ST6GALNAC3: variants seen among roughly 807,000 people sequenced by gnomAD.
ST6GALNAC3 encodes ST6 N-acetylgalactosaminide alpha-2,6-sialyltransferase 3.
In ST6GALNAC3, 25 loss-of-function variants were observed where a neutral mutation model predicts 32.7. The observed-to-expected ratio is 0.76, with a 90% confidence interval of 0.56 to 1.07. ST6GALNAC3 has a LOEUF of 1.07. Ranked by LOEUF, ST6GALNAC3 falls within the 50% of genes least tolerant of loss-of-function variation. The pLI is 0.00. For synonymous variants in ST6GALNAC3, 129 were observed against 133.1 expected (o/e 0.97, Z 0.21); for missense variants, 355 against 382.4 (o/e 0.93, Z 0.60).
At chr1:76,600,531 C>T (rs1016153039) in intron 3 of ST6GALNAC3, among the ~76,000 whole-genome samples, 2 of 152,136 alleles carry the variant, frequency 1.3e-5, no homozygotes, top group African/African-American at 2.4e-5. Context: ...GCTCATTGTC[C>T]TCTGCTCATT....
chr1:76,510,400 T>C (rs1481038833), intron 3 of ST6GALNAC3, among the ~76,000 whole-genome samples: 1 of 151,852 alleles, frequency 6.6e-6, no homozygotes, highest in Non-Finnish European at 1.5e-5. Context: ...AGACACAGCC[T>C]TTGCAGTCTA....
chr1:76,525,910 G>A (rs1194315629), intron 3 of ST6GALNAC3, among the ~76,000 whole-genome samples: 1 of 147,938 alleles, frequency 6.8e-6, no homozygotes, highest in Non-Finnish European at 1.5e-5. Context: ...GCTTCAGATG[G>A]ACACCTCTTT....
At chr1:76,209,760 A>G (rs931153911) in intron 1 of ST6GALNAC3, among the ~76,000 whole-genome samples, 5 of 152,226 alleles carry the variant, frequency 3.3e-5, no homozygotes, top group African/African-American at 1.2e-4. Context: ...TATGTCAGTT[A>G]TTCTTTACTC....
intron 1 of ST6GALNAC3, among the ~76,000 whole-genome samples, chr1:76,111,323 G>T (rs1044431576): frequency 1.3e-5 from 2 of 151,984 alleles, no homozygotes; most frequent in African/African-American, 4.8e-5. Context: ...AACTGTAGAC[G>T]TCTTAGTGAG....
chr1:76,302,975 G>A (rs1236377457), intron 1 of ST6GALNAC3, among the ~76,000 whole-genome samples: 1 of 151,946 alleles, frequency 6.6e-6, no homozygotes, highest in Non-Finnish European at 1.5e-5. Context: ...ACCCCCTAGA[G>A]GTTTCCCATT....
rs191366194 is a variant in ST6GALNAC3 at position 76,530,903 on chromosome 1, C to T, written c.624-96549C>T. ...CAGGGAGCTGGGAGATGGAGCTGGT[C>T]ATTAATGAAAGGGGCAGAGAAGTTA... is the stretch of plus-strand genomic sequence containing the variant. On this transcript the variant is annotated intron_variant, in intron 3 of 4. Transcript: ENST00000328299. Among the ~76,000 whole-genome samples, 73 of 152,266 alleles carry T rather than the reference C, an allele frequency of 4.8e-4. No individual in the cohort carries two copies. The Middle Eastern group carries it at 0.014, about 28-fold the overall frequency.
rs528975970 is a variant in ST6GALNAC3, at chr1:76,559,374, A to G, written c.624-68078A>G. On this transcript the variant is annotated intron_variant, in intron 3 of 4. Transcript: ENST00000328299. ...TACCTCACACAACCCTCCAAAATTAACAAAGTAAATTATAGACTTAAATGG... is the reference window on the plus strand; with the variant it reads ...TACCTCACACAACCCTCCAAAATTAGCAAAGTAAATTATAGACTTAAATGG... 2.0e-5 allele frequency among the ~76,000 whole-genome samples: 3 copies of G among 152,354 alleles called. No individual in the cohort carries two copies. In the South Asian group the frequency reaches 6.2e-4, roughly 32 times the overall value.
At chr1:76,211,049 T>C (rs1006570181) in intron 1 of ST6GALNAC3, among the ~76,000 whole-genome samples, 5 of 152,220 alleles carry the variant, frequency 3.3e-5, no homozygotes, top group Non-Finnish European at 7.3e-5. Flanking sequence ...ATGGGGACAC[T>C]GGTCCATTGG....
rs190250843 is a variant in ST6GALNAC3 at position 76,247,393 on chromosome 1, T to C, written c.19-66412T>C. Among the ~76,000 whole-genome samples, 4 of 152,218 alleles carry C rather than the reference T, an allele frequency of 2.6e-5. No homozygotes were observed. The East Asian group carries it at 7.7e-4, about 29-fold the overall frequency. ...CTTTAGAGCCGGCAGGCAGGAGAGATTAAGTCCACAGAAACTGCGGACTTA... is the reference window on the plus strand; with the variant it reads ...CTTTAGAGCCGGCAGGCAGGAGAGACTAAGTCCACAGAAACTGCGGACTTA... On this transcript the variant is annotated intron_variant, in intron 1 of 4. Transcript: ENST00000328299.
chr1:76,467,398 T>C (rs1571324668), intron 3 of ST6GALNAC3, among the ~76,000 whole-genome samples: 2 of 152,090 alleles, frequency 1.3e-5, no homozygotes, highest in South Asian at 4.1e-4. Flanking sequence ...CCTGCTATGC[T>C]TGAATCAGAT....
At chr1:76,576,594 T>C (rs1028065664) in intron 3 of ST6GALNAC3, among the ~76,000 whole-genome samples, 18 of 152,074 alleles carry the variant, frequency 1.2e-4, no homozygotes, top group African/African-American at 4.1e-4. Flanking sequence ...CAAATTTCTC[T>C]GGCTTACAAA....
At chr1:76,506,468 T>C (rs940978872) in intron 3 of ST6GALNAC3, among the ~76,000 whole-genome samples, 14 of 152,212 alleles carry the variant, frequency 9.2e-5, no homozygotes, top group African/African-American at 3.4e-4. Context: ...CCCAGTCACC[T>C]TTGCTGAGGT....
chr1:76,176,729 C>T (rs1446187497), intron 1 of ST6GALNAC3, among the ~76,000 whole-genome samples: 1 of 151,854 alleles, frequency 6.6e-6, no homozygotes, highest in Non-Finnish European at 1.5e-5. Flanking sequence ...AAATATCAGT[C>T]AAAATATTTA....
intron 1 of ST6GALNAC3, among the ~76,000 whole-genome samples, chr1:76,158,002 T>C (rs1265474260): frequency 6.6e-6 from 1 of 152,242 alleles, no homozygotes; most frequent in East Asian, 1.9e-4. Context: ...AAGTCTCTGA[T>C]GTTAAAACAG....
intron 3 of ST6GALNAC3, among the ~76,000 whole-genome samples, chr1:76,482,314 T>A (rs1424420691): frequency 6.6e-6 from 1 of 152,118 alleles, no homozygotes; most frequent in African/African-American, 2.4e-5. Flanking sequence ...ACAATAACAC[T>A]GATTAAAAGG....
intron 3 of ST6GALNAC3, among the ~76,000 whole-genome samples, chr1:76,485,203 C>T (rs1159032224): frequency 2.6e-5 from 4 of 152,072 alleles, no homozygotes; most frequent in South Asian, 4.1e-4. Flanking sequence ...TGTGTGTCTA[C>T]CAGGCTTTGG....
chr1:76,605,594 G>A (rs1248439540), intron 3 of ST6GALNAC3, among the ~76,000 whole-genome samples: 1 of 152,048 alleles, frequency 6.6e-6, no homozygotes, highest in African/African-American at 2.4e-5. Context: ...GCTGGGCACA[G>A]TGGCTCACTC....
At chr1:76,129,395 C>T (rs913680040) in intron 1 of ST6GALNAC3, among the ~76,000 whole-genome samples, 1 of 152,124 alleles carries the variant, frequency 6.6e-6, no homozygotes, top group African/African-American at 2.4e-5. Flanking sequence ...CAGGTGACTG[C>T]CTGCTCCTCT....
intron 1 of ST6GALNAC3, among the ~76,000 whole-genome samples, chr1:76,233,095 C>T (rs1020971883): frequency 3.3e-5 from 5 of 152,294 alleles, no homozygotes; most frequent in African/African-American, 1.2e-4. Context: ...AGTCAATGTT[C>T]GATACATGTT....
Sources: gnomAD v4.1 joint callset for allele counts (sites outside exome capture counted in the v4.1 genomes callset) on GRCh38, gnomAD v4.1.1 for gene constraint, MANE v1.5 for transcripts, NCBI Gene and HGNC (gene_info 2026-07-23, HGNC 2026-07-21) for gene names.